PTPRT: variants seen among roughly 807,000 people sequenced by gnomAD.
PTPRT encodes the protein protein tyrosine phosphatase receptor type T, also known as receptor-type tyrosine-protein phosphatase T.
PTPRT carries 56 observed loss-of-function variants against 176.8 expected under a neutral mutation model. The observed-to-expected ratio is 0.32, with a 90% CI of 0.26 to 0.40. PTPRT has a LOEUF of 0.40. Ranked by LOEUF, PTPRT falls within the 10% of genes least tolerant of loss-of-function variation. PTPRT has a pLI of 1.00. For synonymous variants in PTPRT, 783 were observed against 739.0 expected (o/e 1.06, Z -0.96); for missense variants, 1,540 against 1,908.2 (o/e 0.81, Z 3.60).
At chr20:42,046,294 C>T in the PTPRT span, among the ~76,000 whole-genome samples, 1 of 152,208 alleles carries the variant, frequency 6.6e-6, no homozygotes, top group African/African-American at 2.4e-5. Flanking sequence ...CTGAACCCAC[C>T]CAATCTAAGA....
intron 2 of PTPRT, among the ~76,000 whole-genome samples, chr20:42,871,314 TTA>T (rs1354537072): frequency 9.1e-4 from 8 of 8,792 alleles, no homozygotes; most frequent in East Asian, 9.2e-3. Flanking sequence ...TCAGCCCTTT[TTA>T]AAAAAAAAAA....
intron 17 of PTPRT, among the ~76,000 whole-genome samples, chr20:42,157,677 C>T (rs752817746): frequency 7.9e-5 from 12 of 152,138 alleles, no homozygotes; most frequent in South Asian, 2.1e-4. Context: ...GGCAACTGCC[C>T]CTCCTCCTCA....
chr20:42,335,361 C>G (rs1436778116), intron 11 of PTPRT, among the ~76,000 whole-genome samples: 1 of 152,054 alleles, frequency 6.6e-6, no homozygotes, highest in Non-Finnish European at 1.5e-5. Flanking sequence ...TTCTCAACAC[C>G]TTACTTTTAA....
At chr20:43,063,077 T>G (rs1409847571) in intron 1 of PTPRT, among the ~76,000 whole-genome samples, 1 of 152,126 alleles carries the variant, frequency 6.6e-6, no homozygotes, top group African/African-American at 2.4e-5. Context: ...AAATAATTTA[T>G]CCAAAGCTCA....
At position 42,075,448 on chromosome 20, in the gene PTPRT, C is replaced by A; in HGVS notation, c.*5431G>T. On this transcript the variant is annotated 3_prime_UTR_variant, in exon 31 of 31. Transcript: ENST00000373187. Reference sequence around the variant, plus strand: ...CTGTTCATGCTTCCTCTTGGGCTCACCCATGTCTTCCAGAGTGTTACTCCT... The same window carrying A: ...CTGTTCATGCTTCCTCTTGGGCTCAACCATGTCTTCCAGAGTGTTACTCCT... 1 of 225,464 alleles carries A rather than the reference C, an allele frequency of 4.4e-6. No individual in the cohort carries two copies. Among genetic ancestry groups the A allele is most frequent in the Non-Finnish European group, 8.8e-6 (1 of 113,138 alleles). The allele number at this position is 225,464 out of a possible 1,614,324, so 14.0% of individuals were successfully genotyped here. A position where few individuals can be genotyped will look rare whatever the true frequency, so the allele number is the denominator to read the frequency against.
intron 1 of PTPRT, among the ~76,000 whole-genome samples, chr20:43,136,310 A>C (rs2013831972): frequency 1.3e-5 from 2 of 152,148 alleles, no homozygotes; most frequent in African/African-American, 4.8e-5. Context: ...CCATAAAGAA[A>C]TTTGCATGTT....
chr20:42,172,593 C>T (rs1883376), intron 16 of PTPRT, among the ~76,000 whole-genome samples: 51,960 of 152,068 alleles, frequency 0.34, 9,234 homozygotes, highest in East Asian at 0.38. Context: ...ATAACATAAA[C>T]GGGTCTTAAA....
In PTPRT at chr20:42,616,505, T is replaced by C. The variant is rs1363264015; in HGVS notation, c.1153+61361A>G. Among the ~76,000 whole-genome samples the C allele has an allele frequency of 6.2e-5, 8 of 129,258 alleles. 2 individuals are homozygous for C. Among genetic ancestry groups the C allele is most frequent in the Middle Eastern group, 3.7e-3 (1 of 272 alleles). 84.8% of individuals were successfully genotyped at this position (129,258 alleles called of 152,430 possible). ...CATTGGTAGCTTGATGGGGATGGCA[T>C]TGAAACTGTAAATTACCTTGGGCAG... On this transcript the variant is annotated intron_variant, in intron 7 of 30. Coordinates refer to ENST00000373187, the MANE Select transcript of PTPRT (RefSeq NM_007050.6).
At chr20:42,828,807 T>C (rs979056582) in intron 2 of PTPRT, among the ~76,000 whole-genome samples, 2 of 152,160 alleles carry the variant, frequency 1.3e-5, no homozygotes, top group Non-Finnish European at 2.9e-5. Context: ...AAAGGATATA[T>C]GGAAACACCT....
intron 7 of PTPRT, among the ~76,000 whole-genome samples, chr20:42,529,137 G>A (rs559655943): frequency 5.3e-5 from 8 of 152,308 alleles, no homozygotes; most frequent in Non-Finnish European, 1.5e-5. Flanking sequence ...ACATAACCCT[G>A]ATTCAGCTTC....
chr20:42,779,082 G>A (rs1278999947), intron 4 of PTPRT, among the ~76,000 whole-genome samples: 1 of 152,184 alleles, frequency 6.6e-6, no homozygotes, highest in Non-Finnish European at 1.5e-5. Flanking sequence ...CTCCAGAGAA[G>A]GGGCTCTAAG....
intron 7 of PTPRT, among the ~76,000 whole-genome samples, chr20:42,605,096 A>G (rs1259800736): frequency 6.6e-6 from 1 of 152,188 alleles, no homozygotes; most frequent in Non-Finnish European, 1.5e-5. Flanking sequence ...GGCGTGACCC[A>G]AGCACTACAG....
chr20:43,114,069 A>G (rs888970299), intron 1 of PTPRT, among the ~76,000 whole-genome samples: 2 of 152,208 alleles, frequency 1.3e-5, no homozygotes, highest in African/African-American at 4.8e-5. Context: ...AAACTTCACA[A>G]AAAATAAAAT....
chr20:42,257,645 C>A (rs1935450638), intron 13 of PTPRT, among the ~76,000 whole-genome samples: 2 of 20,584 alleles, frequency 9.7e-5, no homozygotes, highest in Non-Finnish European at 2.9e-4. Context: ...CTCCCCCCAC[C>A]CCCCCCCCCC....
chr20:42,537,206 C>T (rs1007713000), intron 7 of PTPRT, among the ~76,000 whole-genome samples: 1 of 151,994 alleles, frequency 6.6e-6, no homozygotes, highest in African/African-American at 2.4e-5. Flanking sequence ...TTGGATGAAG[C>T]CTGCAAATAT....
In PTPRT at chr20:42,879,857, T is replaced by A. The variant is rs543370615; in HGVS notation, c.214+5950A>T. The stretch of plus-strand genomic sequence containing the variant: ...GAAACTCACTAAGCTTTTTGTATTT[T>A]TCTGCTCTAGAAATGTGTGTAGGAA... On this transcript the variant is annotated intron_variant, in intron 2 of 30. Coordinates refer to ENST00000373187, the MANE Select transcript of PTPRT (RefSeq NM_007050.6). Among the ~76,000 whole-genome samples, 106 of 152,346 alleles carry A rather than the reference T, an allele frequency of 7.0e-4. 3 individuals are homozygous for A. Among genetic ancestry groups the A allele is most frequent in the Admixed American group, 5.9e-3 (91 of 15,304 alleles).
In PTPRT at chr20:42,686,882, G is replaced by A. The variant is rs565660153; in HGVS notation, c.860-8723C>T. Among the ~76,000 whole-genome samples the A allele has an allele frequency of 2.6e-4, 40 of 152,062 alleles. 1 individual carries two copies. The South Asian group carries it at 7.1e-3, about 27-fold the overall frequency. ...TCCCTACAACTTAGATAAACTATTCGCAAATCCATGCTAAAGGATCTGTTT... is the reference window on the plus strand; with the variant it reads ...TCCCTACAACTTAGATAAACTATTCACAAATCCATGCTAAAGGATCTGTTT... On this transcript the variant is annotated intron_variant, in intron 6 of 30. Transcript: ENST00000373187.
At chr20:42,919,634 C>T (rs1482281363) in intron 1 of PTPRT, among the ~76,000 whole-genome samples, 1 of 152,190 alleles carries the variant, frequency 6.6e-6, no homozygotes, top group Non-Finnish European at 1.5e-5. Context: ...CAAATATTAT[C>T]TCATTGTATC....
chr20:42,359,416 G>A (rs1184727606), intron 9 of PTPRT, among the ~76,000 whole-genome samples: 4 of 152,202 alleles, frequency 2.6e-5, no homozygotes, highest in South Asian at 2.1e-4. Flanking sequence ...ATGAGACGGA[G>A]CCAACACATG....
Sources: allele counts gnomAD v4.1 joint callset (sites outside exome capture counted in the v4.1 genomes callset), GRCh38; gene constraint gnomAD v4.1.1; transcripts MANE v1.5; gene names NCBI Gene and HGNC (gene_info 2026-07-23, HGNC 2026-07-21).